PDE10A: variants seen among roughly 807,000 people sequenced by gnomAD.
The protein encoded by PDE10A is phosphodiesterase 10A.
Under a neutral mutation model 97.7 loss-of-function variants are expected in PDE10A, and 39 were observed. The ratio of observed to expected loss-of-function variants is 0.40; its 90% CI spans 0.31 to 0.52. The LOEUF is 0.52. Among genes scored for constraint, PDE10A ranks in the 20% least tolerant of loss-of-function variants. PDE10A has a pLI of 0.56. For synonymous variants in PDE10A, 371 were observed against 376.8 expected, an observed-to-expected ratio of 0.98 and a Z score of 0.18; for missense variants, 731 against 1,047.8, an observed-to-expected ratio of 0.70 and a Z score of 4.17.
chr6:165,784,451 T>C (rs116911009), intron 1 of PDE10A, among the ~76,000 whole-genome samples: 1 of 152,294 alleles, frequency 6.6e-6, no homozygotes, highest in Non-Finnish European at 1.5e-5. Context: ...GAAATTTGAA[T>C]GTTACATTTC....
At position 165,553,268 on chromosome 6, in the gene PDE10A, T is replaced by C. The variant is rs538140539; in HGVS notation, c.866-9700A>G. Among the ~76,000 whole-genome samples the C allele has an allele frequency of 3.2e-3, 484 of 152,246 alleles. 4 individuals are homozygous for C. The highest frequency in any genetic ancestry group is 0.011 in the African/African-American group (475 of 41,550). ...TTTTTTTTAAAGGCAAAGTCATTTATATGGAAATGAATGGAGGTTATCCAG... is the reference window on the plus strand; with the variant it reads ...TTTTTTTTAAAGGCAAAGTCATTTACATGGAAATGAATGGAGGTTATCCAG... On this transcript the variant is annotated intron_variant, in intron 1 of 21. Transcript: ENST00000539869.
At chr6:165,380,725 C>T (rs1333030042) in intron 17 of PDE10A, among the ~76,000 whole-genome samples, 8 of 152,082 alleles carry the variant, frequency 5.3e-5, no homozygotes, top group South Asian at 2.1e-4. Flanking sequence ...ATGGGGACAA[C>T]GGGAGGGGAC....
chr6:165,684,990 G>A (rs1318392903), intron 1 of PDE10A, among the ~76,000 whole-genome samples: 1 of 152,104 alleles, frequency 6.6e-6, no homozygotes, highest in East Asian at 1.9e-4. Flanking sequence ...GCCTTTGTTA[G>A]CCCCAAGTAA....
intron 1 of PDE10A, among the ~76,000 whole-genome samples, chr6:165,919,698 T>A (rs907809107): frequency 1.3e-5 from 2 of 152,250 alleles, no homozygotes; most frequent in Admixed American, 1.3e-4. Context: ...GCCTGCTGTC[T>A]GGAGTTTGCC....
chr6:165,692,377 C>T (rs954388247), intron 1 of PDE10A, among the ~76,000 whole-genome samples: 22 of 152,218 alleles, frequency 1.4e-4, no homozygotes, highest in South Asian at 8.3e-4. Flanking sequence ...GGGTTTCCCA[C>T]GTCTTCAGCA....
chr6:165,460,454 C>A (rs536663973), intron 3 of PDE10A, among the ~76,000 whole-genome samples: 61 of 152,244 alleles, frequency 4.0e-4, no homozygotes, highest in South Asian at 1.2e-3. Context: ...CACAAACAAA[C>A]AAGGCAAAGC....
At chr6:165,765,058 G>A (rs532836870) in intron 1 of PDE10A, among the ~76,000 whole-genome samples, 173 of 152,300 alleles carry the variant, frequency 1.1e-3, no homozygotes, top group African/African-American at 4.1e-3. Context: ...GATACAGAGT[G>A]TGGATTGGTG....
At chr6:165,534,116 C>T (rs1782940238) in intron 2 of PDE10A, among the ~76,000 whole-genome samples, 1 of 151,856 alleles carries the variant, frequency 6.6e-6, no homozygotes. Flanking sequence ...GACATTTTAA[C>T]AGATACCACA....
At chr6:165,958,961 C>T (rs1784278329) in intron 1 of PDE10A, among the ~76,000 whole-genome samples, 1 of 152,136 alleles carries the variant, frequency 6.6e-6, no homozygotes, top group African/African-American at 2.4e-5. Context: ...AAACTGGAGG[C>T]CATAGTGCTT....
chr6:165,331,924 G>A lies in PDE10A; in HGVS notation c.*1101C>T, dbSNP rs1781365612. ...TCTGTTTCTGTGCTATGGACAGAAAGCTCATGAAATACGACCGTGCAGTAC... is the reference window on the plus strand; with the variant it reads ...TCTGTTTCTGTGCTATGGACAGAAAACTCATGAAATACGACCGTGCAGTAC... On this transcript the variant is annotated 3_prime_UTR_variant, in exon 22 of 22. Transcript: ENST00000539869. The A allele has an allele frequency of 6.6e-6, 1 of 152,188 alleles. No homozygotes were observed. Among genetic ancestry groups the A allele is most frequent in the South Asian group, 2.1e-4 (1 of 4,826 alleles). The allele number at this position is 152,188 out of a possible 1,614,324, so 9.4% of individuals were successfully genotyped here. A position where few individuals can be genotyped will look rare whatever the true frequency, so the allele number is the denominator to read the frequency against.
intron 1 of PDE10A, among the ~76,000 whole-genome samples, chr6:165,715,385 G>A (rs1486481611): frequency 6.6e-6 from 1 of 152,240 alleles, no homozygotes; most frequent in African/African-American, 2.4e-5. Context: ...GAAGTGGTGT[G>A]TGCGTCAGCT....
chr6:165,473,533 CTTA>C (rs1779131536), intron 3 of PDE10A, among the ~76,000 whole-genome samples: 1 of 152,028 alleles, frequency 6.6e-6, no homozygotes, highest in South Asian at 2.1e-4. Flanking sequence ...ACAACAAGGG[CTTA>C]TATCACATAA....
intron 1 of PDE10A, among the ~76,000 whole-genome samples, chr6:165,936,630 G>A (rs574415637): frequency 1.6e-4 from 24 of 152,316 alleles, no homozygotes; most frequent in African/African-American, 5.5e-4. Flanking sequence ...CAAACAATGG[G>A]AGACAAGGAG....
chr6:165,760,221 T>C (rs963472518), intron 1 of PDE10A, among the ~76,000 whole-genome samples: 2 of 152,214 alleles, frequency 1.3e-5, no homozygotes, highest in Non-Finnish European at 2.9e-5. Flanking sequence ...TTTTTCATCT[T>C]AATTACAGTG....
Position 165,843,333 on chromosome 6 carries a change from C to A in PDE10A, c.-615+144196G>T, listed in dbSNP as rs370319114. Among the ~76,000 whole-genome samples the A allele has an allele frequency of 3.3e-5, 5 of 152,146 alleles. No homozygotes were observed. The East Asian group carries it at 5.8e-4, about 18-fold the overall frequency. On this transcript the variant is annotated intron_variant, in intron 1 of 19. Transcript: ENST00000366882. ...GGGCATCCCAGAGCAGACACACACA[C>A]AGGCATGCACCAGCCTCCCCAAGTG... is the stretch of plus-strand genomic sequence containing the variant.
In PDE10A at chr6:165,330,455, G is replaced by T. The variant is rs970493010; in HGVS notation, c.*2570C>A. On this transcript the variant is annotated 3_prime_UTR_variant, in exon 22 of 22. Transcript: ENST00000539869. ...ATTAACTAAATATCACTGCAACCCGGGTCCTTTTATTTTAGGTAAATCTGT... is the reference window on the plus strand; with the variant it reads ...ATTAACTAAATATCACTGCAACCCGTGTCCTTTTATTTTAGGTAAATCTGT... 2.6e-5 allele frequency: 4 copies of T among 152,004 alleles called. No individual in the cohort carries two copies. The highest frequency in any genetic ancestry group is 5.9e-5 in the Non-Finnish European group (4 of 67,978). The allele number at this position is 152,004 out of a possible 1,614,324, so 9.4% of individuals were successfully genotyped here.
intron 1 of PDE10A, among the ~76,000 whole-genome samples, chr6:165,849,565 G>A (rs865796796): frequency 2.0e-5 from 3 of 152,168 alleles, no homozygotes; most frequent in Admixed American, 6.5e-5. Context: ...TGAGAAAAAC[G>A]CACCTCATGT....
At chr6:165,956,510 G>A (rs1008592673) in intron 1 of PDE10A, among the ~76,000 whole-genome samples, 10 of 152,330 alleles carry the variant, frequency 6.6e-5, no homozygotes, top group African/African-American at 2.4e-4. Context: ...AATTCAACAT[G>A]GTTGACTTGC....
At chr6:165,344,282 A>G (rs77510634) in intron 18 of PDE10A, among the ~76,000 whole-genome samples, 2,076 of 152,312 alleles carry the variant, frequency 0.014, 42 homozygotes, top group African/African-American at 0.047. Context: ...ATATGTGGCT[A>G]CCCTAAGTGA....
Sources: gnomAD v4.1 joint callset for allele counts (sites outside exome capture counted in the v4.1 genomes callset) on GRCh38, gnomAD v4.1.1 for gene constraint, MANE v1.5 for transcripts, NCBI Gene and HGNC (gene_info 2026-07-23, HGNC 2026-07-21) for gene names.